LRRTM4: variants seen among roughly 807,000 people sequenced by gnomAD.
The protein encoded by LRRTM4 is leucine-rich repeat transmembrane neuronal protein 4.
LRRTM4 carries 25 observed loss-of-function variants against 47.6 expected under a neutral mutation model. The observed-to-expected ratio is 0.53, with a 90% CI of 0.38 to 0.73. The LOEUF is 0.73. Among genes scored for constraint, LRRTM4 ranks in the 30% least tolerant of loss-of-function variants. LRRTM4 has a pLI of 0.00. For missense variants in LRRTM4, 638 were observed against 713.4 expected (o/e 0.89, Z 1.20); for synonymous variants, 311 against 269.5 (o/e 1.15, Z -1.51).
At chr2:77,513,945 C>T (rs1024666146) in intron 3 of LRRTM4, among the ~76,000 whole-genome samples, 1 of 151,942 alleles carries the variant, frequency 6.6e-6, no homozygotes, top group African/African-American at 2.4e-5. Flanking sequence ...GTGATTTTAA[C>T]AAATATTTGT....
chr2:77,180,486 C>A (rs1673317573), intron 3 of LRRTM4, among the ~76,000 whole-genome samples: 1 of 152,126 alleles, frequency 6.6e-6, no homozygotes, highest in Non-Finnish European at 1.5e-5. Context: ...ATAAGTCCTT[C>A]TCTTTGCCTT....
chr2:77,448,972 CA>C, intron 3 of LRRTM4, among the ~76,000 whole-genome samples: 1 of 152,082 alleles, frequency 6.6e-6, no homozygotes, highest in Admixed American at 6.6e-5. Flanking sequence ...TTATCTTGAT[CA>C]TAGGTATATC....
intron 3 of LRRTM4, among the ~76,000 whole-genome samples, chr2:76,833,732 C>G (rs751253157): frequency 5.3e-5 from 8 of 151,606 alleles, no homozygotes; most frequent in Non-Finnish European, 1.0e-4. Context: ...ATTCTACATG[C>G]TCAATGTAAA....
At chr2:77,492,376 T>C (rs1423762203) in intron 3 of LRRTM4, among the ~76,000 whole-genome samples, 1 of 152,126 alleles carries the variant, frequency 6.6e-6, no homozygotes, top group Non-Finnish European at 1.5e-5. Flanking sequence ...CCTTTTGCTT[T>C]AGCCTCTAGA....
rs1490742689 is a variant in LRRTM4, at chr2:77,430,769, A to G, written c.1551+87549T>C. 1.8e-4 allele frequency among the ~76,000 whole-genome samples: 26 copies of G among 148,140 alleles called. 1 individual carries two copies. The highest frequency in any genetic ancestry group is 2.9e-5 in the Non-Finnish European group (2 of 67,932). On this transcript the variant is annotated intron_variant, in intron 3 of 3. Coordinates refer to ENST00000409884, the MANE Select transcript of LRRTM4 (RefSeq NM_001134745.3). ...AAAGGAACTGGATTAAGAGATACCT[A>G]GATAGCTGGCAAAGCATTGTTTTGA...
chr2:77,362,115 G>GAGAAAGAAAGAAAGAAAGAAAGAA lies in LRRTM4; in HGVS notation c.1551+156179_1551+156202dup, dbSNP rs1230993221. The stretch of plus-strand genomic sequence containing the variant: ...AAAAGGAAAAGGAAAGAAAGAAAGA[G>GAGAAAGAAAGAAAGAAAGAAAGAA]AGAAAGAAAGAAAGAAAGAAAGAAA... On this transcript the variant is annotated intron_variant, in intron 3 of 3. Coordinates refer to ENST00000409884, the MANE Select transcript of LRRTM4 (RefSeq NM_001134745.3). 1.5e-3 allele frequency among the ~76,000 whole-genome samples: 145 copies of GAGAAAGAAAGAAAGAAAGAAAGAA among 98,822 alleles called. 2 individuals carry two copies. Among genetic ancestry groups the GAGAAAGAAAGAAAGAAAGAAAGAA allele is most frequent in the Middle Eastern group, 4.9e-3 (1 of 206 alleles). The allele number at this position is 98,822 out of a possible 152,430, so 64.8% of individuals were successfully genotyped here.
At chr2:76,900,766 T>C (rs1234047028) in intron 3 of LRRTM4, among the ~76,000 whole-genome samples, 1 of 152,184 alleles carries the variant, frequency 6.6e-6, no homozygotes, top group Non-Finnish European at 1.5e-5. Context: ...ATCACTGAAA[T>C]TAATCATCTT....
At chr2:76,834,992 T>C (rs1237430029) in intron 3 of LRRTM4, among the ~76,000 whole-genome samples, 2 of 152,134 alleles carry the variant, frequency 1.3e-5, no homozygotes, top group African/African-American at 2.4e-5. Context: ...CCAAGATACA[T>C]TCCATCAAGA....
intron 3 of LRRTM4, among the ~76,000 whole-genome samples, chr2:77,178,493 G>A (rs541128843): frequency 4.6e-5 from 7 of 152,158 alleles, no homozygotes; most frequent in African/African-American, 1.7e-4. Context: ...GGCTGAGGCA[G>A]GAGAATCGCT....
intron 3 of LRRTM4, among the ~76,000 whole-genome samples, chr2:77,280,807 T>C (rs924402867): frequency 6.6e-6 from 1 of 152,024 alleles, no homozygotes; most frequent in African/African-American, 2.4e-5. Context: ...CTTATCATTA[T>C]TTTGATTTTT....
At chr2:76,836,965 T>C (rs537930929) in intron 3 of LRRTM4, among the ~76,000 whole-genome samples, 2 of 152,220 alleles carry the variant, frequency 1.3e-5, no homozygotes, top group South Asian at 4.1e-4. Flanking sequence ...TATGATATCC[T>C]GAAATCCTCA....
intron 3 of LRRTM4, among the ~76,000 whole-genome samples, chr2:77,218,719 T>C (rs12713900): frequency 0.43 from 65,855 of 151,952 alleles, 16,741 homozygotes; most frequent in Non-Finnish European, 0.56. Flanking sequence ...TTGAGGTATC[T>C]AATGCTGCAT....
chr2:77,103,690 A>G (rs1298253524), intron 3 of LRRTM4, among the ~76,000 whole-genome samples: 1 of 145,848 alleles, frequency 6.9e-6, no homozygotes, highest in Non-Finnish European at 1.5e-5. Flanking sequence ...ATATGTATAT[A>G]TACATAGGCA....
intron 3 of LRRTM4, among the ~76,000 whole-genome samples, chr2:77,127,535 AATG>A (rs1671679329): frequency 6.6e-6 from 1 of 152,178 alleles, no homozygotes; most frequent in South Asian, 2.1e-4. Context: ...ATATTATAAA[AATG>A]ATGATATGGC....
intron 3 of LRRTM4, among the ~76,000 whole-genome samples, chr2:76,812,758 T>TCCTCCTCTTCTCCCTCCC (rs1670777659): frequency 1.2e-5 from 1 of 81,378 alleles, no homozygotes; most frequent in African/African-American, 7.1e-5. Context: ...TCCCTCCTTC[T>TCCTCCTCTTCTCCCTCCC]CCTCCTCCTC....
chr2:77,194,191 T>C (rs909880898), intron 3 of LRRTM4, among the ~76,000 whole-genome samples: 2 of 152,132 alleles, frequency 1.3e-5, no homozygotes, highest in Non-Finnish European at 2.9e-5. Context: ...TGACTATATC[T>C]TGAGTATGGC....
chr2:77,465,998 C>T lies in LRRTM4; in HGVS notation c.1551+52320G>A, dbSNP rs77126213. On this transcript the variant is annotated intron_variant, in intron 3 of 3. Transcript: ENST00000409884. ...TTCTGTTTTGCTTAGCGATTATAAT[C>T]CATTCATAGAGCATAATGCTTGTCT... Among the ~76,000 whole-genome samples, 1,273 of 152,132 alleles carry T rather than the reference C, an allele frequency of 8.4e-3. 11 individuals carry two copies. The highest frequency in any genetic ancestry group is 0.013 in the Non-Finnish European group (916 of 67,936).
intron 3 of LRRTM4, among the ~76,000 whole-genome samples, chr2:76,892,980 G>A (rs1253860823): frequency 1.3e-4 from 20 of 150,484 alleles, no homozygotes; most frequent in Non-Finnish European, 2.2e-4. Context: ...GTGAAAAGAC[G>A]GAAATCACAA....
intron 3 of LRRTM4, among the ~76,000 whole-genome samples, chr2:77,371,409 A>G (rs1672651561): frequency 6.6e-6 from 1 of 151,710 alleles, no homozygotes. Flanking sequence ...TCCCTTCCTC[A>G]AAATTTCAGA....
Sources: gnomAD v4.1 joint callset for allele counts (sites outside exome capture counted in the v4.1 genomes callset) on GRCh38, gnomAD v4.1.1 for gene constraint, MANE v1.5 for transcripts, NCBI Gene and HGNC (gene_info 2026-07-23, HGNC 2026-07-21) for gene names.